Variants in PCSK1 observed in about 807,000 individuals in gnomAD.
PCSK1 encodes the protein proprotein convertase subtilisin/kexin type 1.
PCSK1 carries 56 observed loss-of-function variants against 90.6 expected under a neutral mutation model. That is an observed-to-expected ratio of 0.62 (90% CI 0.50 to 0.77). The LOEUF (loss-of-function observed/expected upper bound fraction) is 0.77, where lower values mean the gene tolerates loss of function less well. Among genes scored for constraint, PCSK1 ranks in the 30% least tolerant of loss-of-function variants. The pLI is 0.00. For missense variants in PCSK1, 801 were observed against 932.6 expected (o/e 0.86, Z 1.84); for synonymous variants, 348 against 342.4 (o/e 1.02, Z -0.18).
chr5:96,410,242 T>TC (rs1561368938), intron 8 of PCSK1, among the ~76,000 whole-genome samples: 1 of 152,034 alleles, frequency 6.6e-6, no homozygotes, highest in Admixed American at 6.6e-5. Flanking sequence ...GCATACGACC[T>TC]CCCCGAGCTG....
intron 1 of PCSK1, among the ~76,000 whole-genome samples, chr5:96,430,924 A>G (rs1019288111): frequency 6.6e-5 from 10 of 152,204 alleles, no homozygotes; most frequent in Non-Finnish European, 1.2e-4. Flanking sequence ...ATGTTTATTT[A>G]TTTTGAAAAG....
intron 9 of PCSK1, among the ~76,000 whole-genome samples, chr5:96,404,831 A>G (rs1760500430): frequency 6.6e-6 from 1 of 152,206 alleles, no homozygotes; most frequent in Non-Finnish European, 1.5e-5. Context: ...GGTGAAATTA[A>G]TAATTTCTAT....
In PCSK1 at chr5:96,432,883, C is replaced by T. The variant is rs1761551471; in HGVS notation, c.160G>A (p.Gly54Ser). The T allele has an allele frequency of 6.2e-7, 1 of 1,613,944 alleles. No individual in the cohort carries two copies. The highest frequency in any genetic ancestry group is 8.5e-7 in the Non-Finnish European group (1 of 1,179,962). ...EAASAIAEEL[G>S]YDLLGQIGSL... Reference sequence around the variant, plus strand: ...CTTACCTGACCCAAAAGGTCATAGCCCAGCTCCTCGGCGATGGCCGAGGCT... The same window carrying T: ...CTTACCTGACCCAAAAGGTCATAGCTCAGCTCCTCGGCGATGGCCGAGGCT... The change falls in exon 1 of 14, where the codon GGC (glycine) becomes AGC (serine). Residue 54 changes from glycine to serine, a missense_variant. Coordinates refer to ENST00000311106, the MANE Select transcript of PCSK1 (RefSeq NM_000439.5).
rs1358906216 is a variant in PCSK1, at chr5:96,393,256, T to G, written c.2007A>C (p.Arg669=). Residue 669 remains arginine, a synonymous_variant, in exon 14 of 14, where the codon CGA becomes CGC. Transcript: ENST00000311106. ...TTTTACTGAAAGCACTTTGCAGGAG[T>G]CGCAGCATGGCCTGGGAAGGGGCTC... ...EEGAPSQAML[R]LLQSAFSKNS... The G allele has an allele frequency of 6.2e-7, 1 of 1,613,530 alleles. No individual in the cohort carries two copies. Among genetic ancestry groups the G allele is most frequent in the Middle Eastern group, 1.6e-4 (1 of 6,062 alleles).
At chr5:96,396,003 C>T (rs1760127018) in intron 12 of PCSK1, among the ~76,000 whole-genome samples, 1 of 152,080 alleles carries the variant, frequency 6.6e-6, no homozygotes, top group Non-Finnish European at 1.5e-5. Context: ...AAATAAATCC[C>T]ACCTTGGTAA....
intron 5 of PCSK1, among the ~76,000 whole-genome samples, chr5:96,420,692 A>G (rs1761096819): frequency 1.4e-5 from 2 of 140,664 alleles, no homozygotes. Context: ...ACTTTAGATC[A>G]GTATTACTGC....
rs57397343 is a variant in PCSK1 at position 96,412,752 on chromosome 5, GTTTTTTTTTTTTT to G, written c.710-275_710-263del. ...CATGCACTGTGTAGGCAGCTGTGAT[GTTTTTTTTTTTTT>G]TTTTTTTTTTGGTCCCACTCAAGGC... On this transcript the variant is annotated intron_variant, in intron 6 of 13. Coordinates refer to ENST00000311106, the MANE Select transcript of PCSK1 (RefSeq NM_000439.5). Among the ~76,000 whole-genome samples, 11 of 71,832 alleles carry G rather than the reference GTTTTTTTTTTTTT, an allele frequency of 1.5e-4. No homozygotes were observed. The Admixed American group carries it at 1.9e-3, about 12-fold the overall frequency. 47.1% of individuals were successfully genotyped at this position (71,832 alleles called of 152,430 possible).
At position 96,412,752 on chromosome 5, in the gene PCSK1, G is replaced by GTTTTTTTTTTTTTTTTT. The variant is rs57397343; in HGVS notation, c.710-279_710-263dup. On this transcript the variant is annotated intron_variant, in intron 6 of 13. Transcript: ENST00000311106. ...CATGCACTGTGTAGGCAGCTGTGATGTTTTTTTTTTTTTTTTTTTTTTTGG... is the reference window on the plus strand; with the variant it reads ...CATGCACTGTGTAGGCAGCTGTGATGTTTTTTTTTTTTTTTTTTTTTTTTTTTTTTTTTTTTTTTTGG... Among the ~76,000 whole-genome samples the GTTTTTTTTTTTTTTTTT allele has an allele frequency of 1.0e-3, 73 of 71,800 alleles. 12 individuals are homozygous for GTTTTTTTTTTTTTTTTT. Among genetic ancestry groups the GTTTTTTTTTTTTTTTTT allele is most frequent in the African/African-American group, 5.4e-3 (60 of 11,122 alleles). 47.1% of individuals were successfully genotyped at this position (71,800 alleles called of 152,430 possible). A position where few individuals can be genotyped will look rare whatever the true frequency, so the allele number is the denominator to read the frequency against.
intron 5 of PCSK1, among the ~76,000 whole-genome samples, chr5:96,419,414 C>CCTCT (rs763565418): frequency 1.4e-4 from 18 of 129,108 alleles, no homozygotes; most frequent in African/African-American, 2.8e-4. Context: ...TCACTTAATA[C>CCTCT]CTCTCTCTCT....
chr5:96,412,075 T>C (rs1460369665), intron 7 of PCSK1, among the ~76,000 whole-genome samples: 1 of 152,238 alleles, frequency 6.6e-6, no homozygotes, highest in East Asian at 1.9e-4. Context: ...TGGCCACTCC[T>C]GGCCTCAATT....
chr5:96,394,742 A>G, intron 13 of PCSK1, 122 bp downstream of exon 13: 1 of 843,884 alleles, frequency 1.2e-6, no homozygotes, highest in Non-Finnish European at 2.1e-6. Context: ...TACCACTATC[A>G]CTTCTTATCC....
At position 96,390,883 on chromosome 5, in the gene PCSK1, G is replaced by T. The variant is rs3811941; in HGVS notation, c.*2118C>A. On this transcript the variant is annotated 3_prime_UTR_variant, in exon 14 of 14. Transcript: ENST00000311106. ...TTAAATATTAAAGCTTCTTGAGAGT[G>T]AACCTTTGGCTACAACCCAATGAGT... 2 of 152,734 alleles carry T rather than the reference G, an allele frequency of 1.3e-5. No individual in the cohort carries two copies. Among genetic ancestry groups the T allele is most frequent in the East Asian group, 3.8e-4 (2 of 5,196 alleles). The allele number at this position is 152,734 out of a possible 1,614,324, so 9.5% of individuals were successfully genotyped here.
chr5:96,408,611 C>G (rs80336462), intron 8 of PCSK1, among the ~76,000 whole-genome samples: 6,108 of 152,272 alleles, frequency 0.04, 399 homozygotes, highest in African/African-American at 0.14. Flanking sequence ...AAACGAAATG[C>G]TGTCTATAAA....
Position 96,394,807 on chromosome 5 carries a change from A to C in PCSK1, c.1884+57T>G, listed in dbSNP as rs1760072958. On this transcript the variant is annotated intron_variant, in intron 13 of 13. Transcript: ENST00000311106. Reference sequence around the variant, plus strand: ...TTGGAAGTTGGGTACAGCTTCACTGACTACATTGTCTACCCCAGTTCAAAA... The same window carrying C: ...TTGGAAGTTGGGTACAGCTTCACTGCCTACATTGTCTACCCCAGTTCAAAA... 3.3e-6 allele frequency: 5 copies of C among 1,537,590 alleles called. No individual in the cohort carries two copies. The African/African-American group carries it at 5.4e-5, about 17-fold the overall frequency.
chr5:96,422,396 C>T (rs1007470039), intron 4 of PCSK1, among the ~76,000 whole-genome samples: 18 of 152,142 alleles, frequency 1.2e-4, no homozygotes, highest in Admixed American at 2.6e-4. Context: ...GGGTGGGACT[C>T]AGGTCCATGG....
intron 6 of PCSK1, chr5:96,413,015 G>C (rs1339722617): frequency 2.1e-6 from 2 of 953,088 alleles, no homozygotes; most frequent in African/African-American, 3.6e-5. Context: ...GCCACACAAG[G>C]ACTCTGGACA....
At chr5:96,429,169 G>T in intron 2 of PCSK1, 44 bp downstream of exon 2, 1 of 982,292 alleles carries the variant, frequency 1.0e-6, no homozygotes, top group South Asian at 1.4e-5. Context: ...AAAGAAAGCA[G>T]ATAAGCTAGA....
Position 96,393,357 on chromosome 5 carries a change from G to A in PCSK1, c.1906C>T (p.Pro636Ser). 1.2e-6 allele frequency: 2 copies of A among 1,613,908 alleles called. No individual in the cohort carries two copies. Among genetic ancestry groups the A allele is most frequent in the Non-Finnish European group, 1.7e-6 (2 of 1,179,920 alleles). Residue 636 changes from proline (P) to serine (S), a missense_variant, in exon 14 of 14, where the codon CCT (proline) becomes TCT (serine). Pro to Ser is a moderately conservative substitution (Grantham distance 74). Coordinates refer to ENST00000311106, the MANE Select transcript of PCSK1 (RefSeq NM_000439.5). ...PGEEQPTQEN[P>S]KENTLVSKSP... ...TTGGACACCAGGGTGTTCTCCTTAG[G>A]GTTCTCTTGTGTGGGCTGCTCCTAA...
rs372351046 is a variant in PCSK1 at position 96,418,664 on chromosome 5, G to C, written c.621-2543C>G. On this transcript the variant is annotated intron_variant, in intron 5 of 13. Coordinates refer to ENST00000311106, the MANE Select transcript of PCSK1 (RefSeq NM_000439.5). ...TAATACCTCTCCAATTGCTGTAAAGGCCAAGACAAAATGGAGCCATTCATT... is the reference window on the plus strand; with the variant it reads ...TAATACCTCTCCAATTGCTGTAAAGCCCAAGACAAAATGGAGCCATTCATT... Among the ~76,000 whole-genome samples the C allele has an allele frequency of 7.9e-5, 12 of 152,208 alleles. 1 individual carries two copies. Among genetic ancestry groups the C allele is most frequent in the Admixed American group, 3.9e-4 (6 of 15,286 alleles).
Sources: gnomAD v4.1 joint callset for allele counts (sites outside exome capture counted in the v4.1 genomes callset) on GRCh38, gnomAD v4.1.1 for gene constraint, MANE v1.5 for transcripts, NCBI Gene and HGNC (gene_info 2026-07-23, HGNC 2026-07-21) for gene names.